Variants in PRRX2 observed in about 807,000 individuals in gnomAD.
The protein encoded by PRRX2 is paired mesoderm homeobox protein 2.
In PRRX2, 11 loss-of-function variants were observed where a neutral mutation model predicts 18.0. The ratio of observed to expected loss-of-function variants is 0.61; its 90% CI spans 0.39 to 1.01. The LOEUF (loss-of-function observed/expected upper bound fraction) is 1.01. Among genes scored for constraint, PRRX2 ranks in the 50% least tolerant of loss-of-function variants. PRRX2 has a pLI of 0.01. For missense variants in PRRX2, 387 were observed against 351.0 expected, an observed-to-expected ratio of 1.10 and a Z score of -0.82; for synonymous variants, 177 against 154.8, an observed-to-expected ratio of 1.14 and a Z score of -1.06.
Position 129,720,635 on chromosome 9 carries a change from G to C in PRRX2, c.487G>C (p.Glu163Gln), listed in dbSNP as rs1832776797. The C allele has an allele frequency of 1.2e-6, 2 of 1,612,932 alleles. No individual in the cohort carries two copies. The highest frequency in any genetic ancestry group is 1.7e-6 in the Non-Finnish European group (2 of 1,179,508). Residue 163 changes from glutamate (E) to glutamine (Q), a missense_variant, in exon 3 of 4, where the codon GAA becomes CAA. Glu to Gln is a conservative substitution (Grantham distance 29). Transcript: ENST00000372469. Reference protein sequence around the residue: ...QNRRAKFRRNERAMLASRSAS... With the variant: ...QNRRAKFRRNQRAMLASRSAS... ...CCGCCGCGCCAAGTTCCGCAGGAAT[G>C]AAAGGGCCATGCTGGCCAGCCGCTC...
intron 1 of PRRX2, among the ~76,000 whole-genome samples, chr9:129,693,181 ATCTG>A (rs1331175297): frequency 6.6e-6 from 1 of 152,154 alleles, no homozygotes; most frequent in African/African-American, 2.4e-5. Flanking sequence ...CTTACTTGCC[ATCTG>A]TCTGTCTTTT....
At chr9:129,667,041 C>T (rs967280047) in intron 1 of PRRX2, among the ~76,000 whole-genome samples, 2 of 150,452 alleles carry the variant, frequency 1.3e-5, no homozygotes, top group Admixed American at 6.6e-5. Flanking sequence ...CTGGTGGCTG[C>T]GTTCCTTGGC....
At chr9:129,694,831 C>G (rs75423074) in intron 1 of PRRX2, among the ~76,000 whole-genome samples, 6,786 of 152,194 alleles carry the variant, frequency 0.045, 427 homozygotes, top group East Asian at 0.35. Flanking sequence ...GAGCCCCATT[C>G]AGAATAGTGA....
intron 1 of PRRX2, among the ~76,000 whole-genome samples, chr9:129,684,179 T>C (rs767745116): frequency 4.6e-5 from 7 of 152,032 alleles, no homozygotes; most frequent in Non-Finnish European, 7.4e-5. Flanking sequence ...AGGACAAGGG[T>C]ACGGTTATAG....
chr9:129,680,188 G>A (rs1832208482), intron 1 of PRRX2, among the ~76,000 whole-genome samples: 1 of 152,018 alleles, frequency 6.6e-6, no homozygotes, highest in Admixed American at 6.6e-5. Context: ...GATCACCTGA[G>A]GTCAAGAGTT....
At chr9:129,711,773 G>A (rs1356380460) in intron 1 of PRRX2, among the ~76,000 whole-genome samples, 2 of 152,212 alleles carry the variant, frequency 1.3e-5, no homozygotes, top group East Asian at 1.9e-4. Flanking sequence ...CTAGTGAGGC[G>A]GACCGGCCTG....
At chr9:129,668,659 C>T (rs71499472) in intron 1 of PRRX2, among the ~76,000 whole-genome samples, 4 of 151,436 alleles carry the variant, frequency 2.6e-5, no homozygotes, top group African/African-American at 9.7e-5. Flanking sequence ...TGCCTGTAAT[C>T]TCAGCTACTG....
At chr9:129,698,038 TC>T in intron 1 of PRRX2, among the ~76,000 whole-genome samples, 1 of 151,830 alleles carries the variant, frequency 6.6e-6, no homozygotes. Flanking sequence ...TTGAGGCCGG[TC>T]CCAGCTCCGC....
chr9:129,705,430 C>T (rs533559159), intron 1 of PRRX2, among the ~76,000 whole-genome samples: 61 of 152,298 alleles, frequency 4.0e-4, no homozygotes, highest in African/African-American at 1.3e-3. Context: ...TCCTGGCCCA[C>T]GGCAACCTCC....
chr9:129,717,050 T>C (rs1448844714), intron 1 of PRRX2, among the ~76,000 whole-genome samples: 1 of 151,970 alleles, frequency 6.6e-6, no homozygotes, highest in Non-Finnish European at 1.5e-5. Context: ...TTTATTTATT[T>C]ATTTATTTAT....
At chr9:129,720,522 G>A (rs760147000) in intron 2 of PRRX2, 74 bp from the exon 3 acceptor site, 6 of 1,415,214 alleles carry the variant, frequency 4.2e-6, no homozygotes, top group East Asian at 2.4e-5. Flanking sequence ...TGACAGAGCA[G>A]GCACACACCC....
intron 1 of PRRX2, among the ~76,000 whole-genome samples, chr9:129,690,383 C>T (rs1832347190): frequency 6.6e-6 from 1 of 152,154 alleles, no homozygotes; most frequent in Admixed American, 6.5e-5. Context: ...TGGGTAGGAT[C>T]TGAACCCTGA....
At position 129,716,350 on chromosome 9, in the gene PRRX2, C is replaced by T. The variant is rs1444685301; in HGVS notation, c.260-2881C>T. 2.6e-5 allele frequency among the ~76,000 whole-genome samples: 4 copies of T among 152,174 alleles called. No homozygotes were observed. In the East Asian group the frequency reaches 7.7e-4, roughly 29 times the overall value. ...AGTCACATGGTAGACTGCTATGCAGCTGTGAAAAGGAACATGAAGGGCTCC... is the reference window on the plus strand; with the variant it reads ...AGTCACATGGTAGACTGCTATGCAGTTGTGAAAAGGAACATGAAGGGCTCC... On this transcript the variant is annotated intron_variant, in intron 1 of 3. Coordinates refer to ENST00000372469, the MANE Select transcript of PRRX2 (RefSeq NM_016307.4).
intron 1 of PRRX2, 112 bp from the exon 2 acceptor site, chr9:129,719,119 A>T (rs1832751336): frequency 3.8e-6 from 4 of 1,059,924 alleles, no homozygotes; most frequent in African/African-American, 1.6e-5. Context: ...AAAGGGACGC[A>T]TTCCTGGCGG....
chr9:129,684,532 A>ACACACACACACC lies in PRRX2; in HGVS notation c.259+18407_259+18408insACACACACACCC, dbSNP rs1165343797. 2.8e-3 allele frequency among the ~76,000 whole-genome samples: 400 copies of ACACACACACACC among 140,352 alleles called. 8 individuals carry two copies. Among genetic ancestry groups the ACACACACACACC allele is most frequent in the African/African-American group, 3.7e-3 (129 of 34,982 alleles). 92.1% of individuals were successfully genotyped at this position (140,352 alleles called of 152,430 possible). A position where few individuals can be genotyped will look rare whatever the true frequency, so the allele number is the denominator to read the frequency against. Reference sequence around the variant, plus strand: ...CACACACACACACACACCCACACACACCCCAACAGAAAAGAGACCAGAAAT... The same window carrying ACACACACACACC: ...CACACACACACACACACCCACACACACACACACACACCCCCCAACAGAAAAGAGACCAGAAAT... On this transcript the variant is annotated intron_variant, in intron 1 of 3. Transcript: ENST00000372469.
chr9:129,715,883 T>TAA lies in PRRX2; in HGVS notation c.260-3345_260-3344dup, dbSNP rs1162285217. On this transcript the variant is annotated intron_variant, in intron 1 of 3. Coordinates refer to ENST00000372469, the MANE Select transcript of PRRX2 (RefSeq NM_016307.4). This position sits in a 1 kb window ranked among gnomAD's most constrained non-coding sequence, Gnocchi z 4.0. ...AAACCCTCCTAACCTGGGAACTGATTAAAAGCAGATATTCAGCAGTACCCA... is the reference window on the plus strand; with the variant it reads ...AAACCCTCCTAACCTGGGAACTGATTAAAAAAGCAGATATTCAGCAGTACCCA... Among the ~76,000 whole-genome samples, 2 of 151,986 alleles carry TAA rather than the reference T, an allele frequency of 1.3e-5. No individual in the cohort carries two copies. The highest frequency in any genetic ancestry group is 6.6e-5 in the Admixed American group (1 of 15,242).
At chr9:129,693,351 T>G (rs1463247277) in intron 1 of PRRX2, among the ~76,000 whole-genome samples, 2 of 152,176 alleles carry the variant, frequency 1.3e-5, no homozygotes, top group Admixed American at 6.5e-5. Context: ...CTTAGCACTT[T>G]GGGAGGCCAA....
At position 129,709,769 on chromosome 9, in the gene PRRX2, C is replaced by T. The variant is rs925958417; in HGVS notation, c.260-9462C>T. 2.0e-5 allele frequency among the ~76,000 whole-genome samples: 3 copies of T among 152,132 alleles called. No individual in the cohort carries two copies. The highest frequency in any genetic ancestry group is 2.9e-5 in the Non-Finnish European group (2 of 68,014). On this transcript the variant is annotated intron_variant, in intron 1 of 3. Transcript: ENST00000372469. The surrounding 1 kb of genome is among the most constrained non-coding windows in gnomAD (Gnocchi z 4.2). ...AGGGCAGTGGCTGGTGGTGGCCGGC[C>T]TCCCCCAGCCTCTTCCTCACTCGGA...
At chr9:129,696,727 C>T (rs1006923625) in intron 1 of PRRX2, among the ~76,000 whole-genome samples, 3 of 152,172 alleles carry the variant, frequency 2.0e-5, no homozygotes, top group African/African-American at 7.2e-5. Flanking sequence ...CCTGCAGAGT[C>T]CCCACAAAGC....
Sources: gnomAD v4.1 joint callset for allele counts (sites outside exome capture counted in the v4.1 genomes callset) on GRCh38, gnomAD v4.1.1 for gene constraint, Gnocchi (gnomAD v3.1) non-coding constraint, MANE v1.5 for transcripts, NCBI Gene and HGNC (gene_info 2026-07-23, HGNC 2026-07-21) for gene names.